CORO6: variants seen among roughly 807,000 people sequenced by gnomAD.
CORO6 encodes the protein coronin 6.
In CORO6, 43 loss-of-function variants were observed where a neutral mutation model predicts 49.0. The ratio of observed to expected loss-of-function variants is 0.88; its 90% CI spans 0.69 to 1.13. The LOEUF (loss-of-function observed/expected upper bound fraction) is 1.13, where lower values mean the gene tolerates loss of function less well. CORO6 is among the 50% of genes most tolerant of loss of function. The pLI is 0.00. For synonymous variants in CORO6, 233 were observed against 256.5 expected (o/e 0.91, Z 0.88); for missense variants, 650 against 647.0 (o/e 1.00, Z -0.05).
intron 3 of CORO6, 142 bp from the exon 4 acceptor site, chr17:29,619,331 C>T (rs1189409289): frequency 3.7e-6 from 4 of 1,072,288 alleles, no homozygotes; most frequent in Non-Finnish European, 5.3e-6. Flanking sequence ...TGGTGCATGC[C>T]TAGAACAGAA....
In CORO6 at chr17:29,622,741, G is replaced by A; in HGVS notation, c.-117C>T. 1 of 1,317,920 alleles carries A rather than the reference G, an allele frequency of 7.6e-7. No individual in the cohort carries two copies. Among genetic ancestry groups the A allele is most frequent in the Non-Finnish European group, 1.0e-6 (1 of 999,396 alleles). 81.6% of individuals were successfully genotyped at this position (1,317,920 alleles called of 1,614,324 possible). ...ACGCTGCGAATCCTCTGCGGAAGGG[G>A]CCCGAGTGCGTAGGGGGCCGAGGAA... On this transcript the variant is annotated 5_prime_UTR_variant, in exon 1 of 11. Transcript: ENST00000388767.
In CORO6 at chr17:29,615,864, C is replaced by A. The variant is rs1202966248; in HGVS notation, c.1294-7G>T. 20 of 1,597,382 alleles carry A rather than the reference C, an allele frequency of 1.3e-5. No individual in the cohort carries two copies. Among genetic ancestry groups the A allele is most frequent in the Non-Finnish European group, 1.4e-5 (17 of 1,172,844 alleles). On this transcript the variant is annotated splice_polypyrimidine_tract_variant and splice_region_variant and intron_variant, in intron 10 of 10. Coordinates refer to ENST00000388767, the MANE Select transcript of CORO6 (RefSeq NM_032854.4). ...TCTCCAGGGTGTGCTGCTGCTGGGG[C>A]GGAGGACAGAGAGGCCGTGTCGTAT...
chr17:29,618,687 G>C (rs1241278189), intron 5 of CORO6, 103 bp downstream of exon 5: 2 of 1,461,154 alleles, frequency 1.4e-6, no homozygotes, highest in African/African-American at 1.4e-5. Flanking sequence ...GGATGCGACA[G>C]GTGAAAGCCG....
At position 29,621,629 on chromosome 17, in the gene CORO6, G is replaced by T; in HGVS notation, c.-63-145C>A. ...AAGTATGGGAAAGTTATTTTGCTGT[G>T]TAAAATGCTGTTTAATGTAAGTGGC... On this transcript the variant is annotated intron_variant, in intron 1 of 10. Transcript: ENST00000388767. The surrounding 1 kb of genome is among the most constrained non-coding windows in gnomAD (Gnocchi z 4.2). 1 of 835,922 alleles carries T rather than the reference G, an allele frequency of 1.2e-6. No individual in the cohort carries two copies. The highest frequency in any genetic ancestry group is 1.8e-5 in the South Asian group (1 of 54,748). The allele number at this position is 835,922 out of a possible 1,614,324, so 51.8% of individuals were successfully genotyped here.
chr17:29,618,845 G>C lies in CORO6; in HGVS notation c.578C>G (p.Thr193Ser). The change falls in exon 5 of 11, where the codon ACC becomes AGC. Residue 193 changes from threonine to serine, a missense_variant. By Grantham distance (58) the Thr-to-Ser change is moderately conservative (BLOSUM62 1). Coordinates refer to ENST00000388767, the MANE Select transcript of CORO6 (RefSeq NM_032854.4). ...WNSNGSLLAT[T>S]CKDKTLRIID... ...GATGCGCAAGGTCTTGTCCTTGCAG[G>C]TGGTGGCTAGCAGGCTACCGTTGCT... 6.2e-7 allele frequency: 1 copy of C among 1,614,026 alleles called. No homozygotes were observed.
chr17:29,616,144 T>C lies in CORO6; in HGVS notation c.1094A>G (p.Asp365Gly). 1 of 1,613,476 alleles carries C rather than the reference T, an allele frequency of 6.2e-7. No individual in the cohort carries two copies. Among genetic ancestry groups the C allele is most frequent in the Non-Finnish European group, 8.5e-7 (1 of 1,179,950 alleles). ...TAGGGCCGGCTCCGGGCCTGGCGTA[T>C]CCGGGTACAGATCGTCCTGGAAGAG... ...SDLFQDDLYPDTPGPEPALEA... is the reference protein window; with the variant it reads ...SDLFQDDLYPGTPGPEPALEA... The change falls in exon 10 of 11, where the codon GAT (aspartate) becomes GGT (glycine). Residue 365 changes from aspartate (D) to glycine (G), a missense_variant. By Grantham distance (94) the Asp-to-Gly change is moderately conservative. Transcript: ENST00000388767. This position sits in a 1 kb window ranked among gnomAD's most constrained non-coding sequence, Gnocchi z 5.6.
In CORO6 at chr17:29,615,451, T is replaced by A. The variant is rs146122207; in HGVS notation, c.*281A>T. 1.3e-3 allele frequency: 499 copies of A among 382,128 alleles called. 3 individuals carry two copies. In the East Asian group the frequency reaches 0.018, roughly 14 times the overall value. The allele number at this position is 382,128 out of a possible 1,614,324, so 23.7% of individuals were successfully genotyped here. ...GCGGAGGACAAAGGGGGACACCACCTCGCCGTGCAGCACCATTGCTGAGCC... is the reference window on the plus strand; with the variant it reads ...GCGGAGGACAAAGGGGGACACCACCACGCCGTGCAGCACCATTGCTGAGCC... On this transcript the variant is annotated 3_prime_UTR_variant, in exon 11 of 11. Coordinates refer to ENST00000388767, the MANE Select transcript of CORO6 (RefSeq NM_032854.4).
Position 29,619,089 on chromosome 17 carries a change from G to C in CORO6, c.422C>G (p.Pro141Arg). ...SKRVGILSWH[P>R]TARNVLLSAG... ...ACTGAGCAGGACATTCCTGGCAGTA[G>C]GGTGCCAGGAGAGGATGCCCACACG... is the stretch of plus-strand genomic sequence containing the variant. Residue 141 changes from proline (P) to arginine (R), a missense_variant, in exon 4 of 11, where the codon CCT becomes CGT. Transcript: ENST00000388767. 7 of 1,613,608 alleles carry C rather than the reference G, an allele frequency of 4.3e-6. No homozygotes were observed. The highest frequency in any genetic ancestry group is 5.9e-6 in the Non-Finnish European group (7 of 1,179,844).
At chr17:29,617,352 G>C in intron 6 of CORO6, 148 bp downstream of exon 6, 1 of 1,541,764 alleles carries the variant, frequency 6.5e-7, no homozygotes, top group East Asian at 2.3e-5. Flanking sequence ...TGGGCAGAGG[G>C]GTGGGTGTGA....
rs746844516 is a variant in CORO6, at chr17:29,618,954, T to C, written c.469A>G (p.Ile157Val). Residue 157 changes from isoleucine (I) to valine (V), a missense_variant, in exon 5 of 11, where the codon ATC becomes GTC. Physicochemically the swap from Ile to Val is conservative, Grantham distance 29. Coordinates refer to ENST00000388767, the MANE Select transcript of CORO6 (RefSeq NM_032854.4). The stretch of plus-strand genomic sequence containing the variant: ...TCCCCGGTGCCCACATTCCAGATGA[T>C]GATCACATTGTCACCACCTGCCCAG... ...LLSAGGDNVI[I>V]IWNVGTGEVL... 1.2e-6 allele frequency: 2 copies of C among 1,613,794 alleles called. No homozygotes were observed. The highest frequency in any genetic ancestry group is 2.2e-5 in the East Asian group (1 of 44,852).
rs749156472 is a variant in CORO6 at position 29,622,733 on chromosome 17, C to A, written c.-109G>T. ...GGGCGCTCACGCTGCGAATCCTCTG[C>A]GGAAGGGGCCCGAGTGCGTAGGGGG... On this transcript the variant is annotated 5_prime_UTR_variant, in exon 1 of 11. Coordinates refer to ENST00000388767, the MANE Select transcript of CORO6 (RefSeq NM_032854.4). The A allele has an allele frequency of 1.2e-5, 16 of 1,311,984 alleles. No homozygotes were observed. The South Asian group carries it at 1.5e-4, about 12-fold the overall frequency. 81.3% of individuals were successfully genotyped at this position (1,311,984 alleles called of 1,614,324 possible).
Position 29,622,818 on chromosome 17 carries a change from C to A in CORO6, c.-194G>T. 7.6e-7 allele frequency: 1 copy of A among 1,309,804 alleles called. No individual in the cohort carries two copies. 81.1% of individuals were successfully genotyped at this position (1,309,804 alleles called of 1,614,324 possible). On this transcript the variant is annotated 5_prime_UTR_variant, in exon 1 of 11. Coordinates refer to ENST00000388767, the MANE Select transcript of CORO6 (RefSeq NM_032854.4). ...CCGGGTGTCTGTAGTATCTGGGACC[C>A]GGGTGTCCAGCTCCGCACTCTGGCC...
chr17:29,619,609 C>T (rs762622246), intron 3 of CORO6, 42 bp downstream of exon 3: 2 of 1,602,276 alleles, frequency 1.2e-6, no homozygotes, highest in Non-Finnish European at 1.7e-6. Context: ...GCCTTCCCTG[C>T]TCCCCTGCTC....
chr17:29,618,995 T>C, intron 4 of CORO6, 24 bp from the exon 5 acceptor site: 2 of 1,612,820 alleles, frequency 1.2e-6, no homozygotes, highest in Non-Finnish European at 1.7e-6. Flanking sequence ...CCAGGCATGG[T>C]CACCTGGGTC....
rs751302131 is a variant in CORO6 at position 29,616,061 on chromosome 17, C to G, written c.1177G>C (p.Asp393His). Residue 393 changes from aspartate (D) to histidine (H), a missense_variant, in exon 10 of 11, where the codon GAC (aspartate) becomes CAC (histidine). By Grantham distance (81) the Asp-to-His change is moderately conservative (BLOSUM62 -1). Transcript: ENST00000388767. This position sits in a 1 kb window ranked among gnomAD's most constrained non-coding sequence, Gnocchi z 5.6. ...DAEPVLISLR[D>H]GYVPPKHREL... ...CGGTGCTTGGGGGGCACATAGCCGT[C>G]CCTCAGCGAAATGAGCACGGGTTCG... 2 of 1,612,758 alleles carry G rather than the reference C, an allele frequency of 1.2e-6. No homozygotes were observed. Among genetic ancestry groups the G allele is most frequent in the East Asian group, 2.2e-5 (1 of 44,882 alleles).
In CORO6 at chr17:29,617,586, T is replaced by TG; in HGVS notation, c.666dup (p.Met223HisfsTer73). 1 of 1,605,766 alleles carries TG rather than the reference T, an allele frequency of 6.2e-7. No homozygotes were observed. The highest frequency in any genetic ancestry group is 8.5e-7 in the Non-Finnish European group (1 of 1,177,414). ...CCCTGGCGCGTGAAGACGGCCCGCATGGGCCTCATCCCCTCGTGGGCCGCA... is the reference window on the plus strand; with the variant it reads ...CCCTGGCGCGTGAAGACGGCCCGCATGGGGCCTCATCCCCTCGTGGGCCGCA... On this transcript the variant is annotated frameshift_variant, in exon 6 of 11. Transcript: ENST00000388767. LOFTEE classifies it high-confidence loss of function.
In CORO6 at chr17:29,622,706, C is replaced by T. The variant is rs540771017; in HGVS notation, c.-82G>A. The T allele has an allele frequency of 5.5e-6, 7 of 1,280,152 alleles. No individual in the cohort carries two copies. Among genetic ancestry groups the T allele is most frequent in the Non-Finnish European group, 7.1e-6 (7 of 979,564 alleles). The allele number at this position is 1,280,152 out of a possible 1,614,324, so 79.3% of individuals were successfully genotyped here. ...TGGGTACCTGGTCCTGAGCGGGCTGCGGGGCGCTCACGCTGCGAATCCTCT... is the reference window on the plus strand; with the variant it reads ...TGGGTACCTGGTCCTGAGCGGGCTGTGGGGCGCTCACGCTGCGAATCCTCT... On this transcript the variant is annotated 5_prime_UTR_variant, in exon 1 of 11. Coordinates refer to ENST00000388767, the MANE Select transcript of CORO6 (RefSeq NM_032854.4).
Position 29,621,223 on chromosome 17 carries a change from C to T in CORO6, c.198+1G>A, listed in dbSNP as rs112503922. 6.2e-7 allele frequency: 1 copy of T among 1,613,948 alleles called. No individual in the cohort carries two copies. Among genetic ancestry groups the T allele is most frequent in the Non-Finnish European group, 8.5e-7 (1 of 1,180,028 alleles). On this transcript the variant is annotated splice_donor_variant, in intron 2 of 10. Transcript: ENST00000388767. LOFTEE classifies it high-confidence loss of function. The surrounding 1 kb of genome is among the most constrained non-coding windows in gnomAD (Gnocchi z 4.2). The stretch of plus-strand genomic sequence containing the variant: ...CTTGCTTCCTTTCCCTGATCCCTCA[C>T]CTTGGCCAGAGGCAGGACGATGAAG...
chr17:29,617,139 C>T, intron 6 of CORO6, 97 bp from the exon 7 acceptor site: 1 of 1,577,726 alleles, frequency 6.3e-7, no homozygotes, highest in Non-Finnish European at 8.6e-7. Flanking sequence ...CCTTCCCAAA[C>T]CCTATGCCCC....
Sources: allele counts gnomAD v4.1 joint callset, GRCh38; gene constraint gnomAD v4.1.1; non-coding constraint Gnocchi (gnomAD v3.1); transcripts MANE v1.5; gene names NCBI Gene and HGNC (gene_info 2026-07-23, HGNC 2026-07-21).